The following RAB3GAP1 variants were observed in gnomAD, a reference collection of about 807,000 sequenced individuals.
The protein encoded by RAB3GAP1 is RAB3 GTPase activating protein catalytic subunit 1.
RAB3GAP1 carries 86 observed loss-of-function variants against 130.7 expected under a neutral mutation model. The ratio of observed to expected loss-of-function variants is 0.66; its 90% CI spans 0.55 to 0.79. RAB3GAP1 has a LOEUF of 0.79. Among genes scored for constraint, RAB3GAP1 ranks in the 30% least tolerant of loss-of-function variants. The pLI is 0.00. For missense variants in RAB3GAP1, 1,029 were observed against 1,169.4 expected, an observed-to-expected ratio of 0.88 and a Z score of 1.75; for synonymous variants, 367 against 401.7, an observed-to-expected ratio of 0.91 and a Z score of 1.03.
At chr2:135,107,661 T>C (rs993483087) in intron 5 of RAB3GAP1, among the ~76,000 whole-genome samples, 4 of 152,136 alleles carry the variant, frequency 2.6e-5, no homozygotes, top group African/African-American at 9.7e-5. Context: ...TCTAAGGTAA[T>C]ATATGTGAGA....
At chr2:135,084,514 A>T (rs879680396) in intron 3 of RAB3GAP1, among the ~76,000 whole-genome samples, 2 of 152,094 alleles carry the variant, frequency 1.3e-5, no homozygotes, top group Admixed American at 6.5e-5. Flanking sequence ...ATTCTTTTGC[A>T]TGTGGTTATC....
intron 19 of RAB3GAP1, 82 bp downstream of exon 19, chr2:135,153,958 G>A: frequency 7.8e-7 from 1 of 1,287,358 alleles, no homozygotes; most frequent in Non-Finnish European, 1.1e-6. Context: ...AGACGTGAGA[G>A]TTTTGGACAC....
At chr2:135,099,652 A>G (rs62170169) in intron 5 of RAB3GAP1, among the ~76,000 whole-genome samples, 1 of 150,366 alleles carries the variant, frequency 6.7e-6, no homozygotes, top group Admixed American at 6.6e-5. Flanking sequence ...GAGAGAGTGT[A>G]AAATTTTTTT....
intron 5 of RAB3GAP1, among the ~76,000 whole-genome samples, chr2:135,097,986 A>G (rs1690346502): frequency 6.6e-6 from 1 of 152,216 alleles, no homozygotes; most frequent in Non-Finnish European, 1.5e-5. Context: ...ACCATTTTGC[A>G]TTCCCACCAA....
chr2:135,058,748 A>G (rs890806376), intron 3 of RAB3GAP1: 2 of 152,186 alleles, frequency 1.3e-5, no homozygotes, highest in African/African-American at 4.8e-5. Context: ...ACAAACCTGG[A>G]TTCACTGTGA....
At chr2:135,171,015 G>A (rs1000894169), downstream of RAB3GAP1, among the ~76,000 whole-genome samples, 1 of 152,074 alleles carries the variant, frequency 6.6e-6, no homozygotes, top group Non-Finnish European at 1.5e-5. Context: ...CTTGCCAGGA[G>A]CCTTGAAGCC....
At chr2:135,146,304 T>A (rs1691992870) in intron 17 of RAB3GAP1, among the ~76,000 whole-genome samples, 1 of 151,114 alleles carries the variant, frequency 6.6e-6, no homozygotes, top group African/African-American at 2.4e-5. Context: ...TTCTGCCTGC[T>A]GAGTTCAAGT....
intron 5 of RAB3GAP1, 128 bp downstream of exon 5, chr2:135,093,821 C>A: frequency 1.2e-6 from 1 of 816,532 alleles, no homozygotes; most frequent in Non-Finnish European, 2.1e-6. Context: ...TGATTTATTG[C>A]AGAGACAGGA....
At chr2:135,055,326 A>C (rs572703732) in intron 2 of RAB3GAP1, among the ~76,000 whole-genome samples, 1 of 152,344 alleles carries the variant, frequency 6.6e-6, no homozygotes, top group Non-Finnish European at 1.5e-5. Flanking sequence ...CTTGTAGGAT[A>C]AAGTCCAAGT....
rs1320493945 is a variant in RAB3GAP1 at position 135,164,618 on chromosome 2, G to A, written c.2631G>A (p.Gln877=). 1 of 1,613,162 alleles carries A rather than the reference G, an allele frequency of 6.2e-7. No individual in the cohort carries two copies. The highest frequency in any genetic ancestry group is 1.3e-5 in the African/African-American group (1 of 74,908). Residue 877 remains glutamine, a synonymous_variant, in exon 23 of 24, where the codon CAG becomes CAA. Transcript: ENST00000264158. ...LERFVSCLLE[Q]PEVLVTGAGR... ...GGTTTGTGAGTTGCCTGCTGGAGCA[G>A]CCTGAAGTGTTAGTCACCGGTGCAG...
Position 135,153,600 on chromosome 2 carries a change from A to ACT in RAB3GAP1, c.2062-49_2062-48insCT. 1.9e-6 allele frequency: 3 copies of ACT among 1,548,092 alleles called. No homozygotes were observed. In the South Asian group the frequency reaches 3.3e-5, roughly 17 times the overall value. On this transcript the variant is annotated intron_variant, in intron 18 of 23. Coordinates refer to ENST00000264158, the MANE Select transcript of RAB3GAP1 (RefSeq NM_012233.3). ...CAATTTTGCAAACAGGCTTATCAGT[A>ACT]ACTGTTGATTTTCATTTGATTCTGC...
chr2:135,171,207 G>A (rs2105012313), downstream of RAB3GAP1, among the ~76,000 whole-genome samples: 1 of 152,206 alleles, frequency 6.6e-6, no homozygotes, highest in East Asian at 1.9e-4. Context: ...GAGTGGGAAG[G>A]GGCAAGAAAT....
At chr2:135,161,778 C>T (rs1296124010) in intron 19 of RAB3GAP1, among the ~76,000 whole-genome samples, 1 of 152,140 alleles carries the variant, frequency 6.6e-6, no homozygotes, top group East Asian at 1.9e-4. Flanking sequence ...ACATATGCAT[C>T]TACATTTTTG....
chr2:135,174,816 A>G (rs1692959494), downstream of RAB3GAP1, among the ~76,000 whole-genome samples: 1 of 152,214 alleles, frequency 6.6e-6, no homozygotes, highest in Non-Finnish European at 1.5e-5. Flanking sequence ...CTGAAGTCAC[A>G]ACATCACGAA....
chr2:135,168,812 G>A lies in RAB3GAP1; in HGVS notation c.*31G>A, dbSNP rs1409436688. On this transcript the variant is annotated 3_prime_UTR_variant, in exon 24 of 24. Coordinates refer to ENST00000264158, the MANE Select transcript of RAB3GAP1 (RefSeq NM_012233.3). ...CTAGCATTACTCGTTGGTGGCTTCA[G>A]AGACAGTGCTGCCTCCTCCTGAGGG... 1 of 1,583,056 alleles carries A rather than the reference G, an allele frequency of 6.3e-7. No individual in the cohort carries two copies. Among genetic ancestry groups the A allele is most frequent in the Admixed American group, 1.7e-5 (1 of 59,970 alleles).
intron 23 of RAB3GAP1, among the ~76,000 whole-genome samples, chr2:135,166,885 T>G (rs1047691512): frequency 5.3e-5 from 8 of 152,192 alleles, no homozygotes; most frequent in Non-Finnish European, 1.0e-4. Flanking sequence ...CCTTAATGGC[T>G]ACTGAAATTG....
intron 6 of RAB3GAP1, among the ~76,000 whole-genome samples, chr2:135,114,638 G>T (rs1440118110): frequency 1.3e-5 from 2 of 152,160 alleles, no homozygotes; most frequent in Middle Eastern, 3.2e-3. Flanking sequence ...CTTCTTTTAT[G>T]TGTGTTTCTG....
intron 3 of RAB3GAP1, among the ~76,000 whole-genome samples, chr2:135,088,850 T>G: frequency 6.6e-6 from 1 of 152,130 alleles, no homozygotes; most frequent in East Asian, 1.9e-4. Context: ...TTTCTCCCAT[T>G]CTGTAGGTTG....
intron 8 of RAB3GAP1, among the ~76,000 whole-genome samples, chr2:135,121,171 C>T (rs1691188569): frequency 6.6e-6 from 1 of 152,064 alleles, no homozygotes; most frequent in Non-Finnish European, 1.5e-5. Context: ...TAAGGCACCC[C>T]TTGCTGTGGC....
Sources: allele counts gnomAD v4.1 joint callset (sites outside exome capture counted in the v4.1 genomes callset), GRCh38; gene constraint gnomAD v4.1.1; transcripts MANE v1.5; gene names NCBI Gene and HGNC (gene_info 2026-07-23, HGNC 2026-07-21).